EBF1: variants seen among roughly 807,000 people sequenced by gnomAD.
EBF1 encodes transcription factor COE1.
In EBF1, 10 loss-of-function variants were observed where a neutral mutation model predicts 68.4. The ratio of observed to expected loss-of-function variants is 0.15; its 90% confidence interval spans 0.09 to 0.25. The LOEUF (loss-of-function observed/expected upper bound fraction) is 0.25. Among genes scored for constraint, EBF1 ranks in the 10% least tolerant of loss-of-function variants. The probability of loss-of-function intolerance (pLI) is 1.00; values close to 1 mark genes in which losing one functional copy is unlikely to be tolerated. For synonymous variants in EBF1, 298 were observed against 299.8 expected (o/e 0.99, Z 0.06); for missense variants, 509 against 794.4 (o/e 0.64, Z 4.32).
At chr5:159,078,717 T>C (rs2127963089) in intron 5 of EBF1, among the ~76,000 whole-genome samples, 1 of 152,340 alleles carries the variant, frequency 6.6e-6, no homozygotes, top group South Asian at 2.1e-4. Flanking sequence ...TCTCAGGCGT[T>C]GGTAGCCAGC....
At chr5:158,865,041 C>A (rs1338291367) in intron 6 of EBF1, among the ~76,000 whole-genome samples, 1 of 152,146 alleles carries the variant, frequency 6.6e-6, no homozygotes, top group Non-Finnish European at 1.5e-5. Context: ...GTTCAGATAG[C>A]AGCATTACAT....
chr5:158,883,920 T>TC (rs1466121458), intron 6 of EBF1, among the ~76,000 whole-genome samples: 3 of 151,990 alleles, frequency 2.0e-5, no homozygotes, highest in Admixed American at 2.0e-4. Context: ...CTAACAAACC[T>TC]CCCAGCACAG....
At chr5:158,818,850 T>C (rs560478206) in intron 8 of EBF1, among the ~76,000 whole-genome samples, 6 of 152,058 alleles carry the variant, frequency 3.9e-5, no homozygotes, top group Admixed American at 1.3e-4. Flanking sequence ...CTAACATGTT[T>C]ATATTCTAAA....
chr5:158,802,562 A>C (rs1333012196), intron 8 of EBF1, among the ~76,000 whole-genome samples: 1 of 152,180 alleles, frequency 6.6e-6, no homozygotes, highest in Non-Finnish European at 1.5e-5. Flanking sequence ...AGTGGAGGTG[A>C]AAATACTGGC....
chr5:158,752,243 A>C (rs1223609930), intron 10 of EBF1, among the ~76,000 whole-genome samples: 3 of 151,984 alleles, frequency 2.0e-5, no homozygotes, highest in South Asian at 4.2e-4. Context: ...TGAAGTATCA[A>C]ATTTCTTAGA....
At chr5:158,781,289 A>T (rs1381433810) in intron 9 of EBF1, among the ~76,000 whole-genome samples, 1 of 152,114 alleles carries the variant, frequency 6.6e-6, no homozygotes, top group East Asian at 1.9e-4. Flanking sequence ...TTGATTCCTG[A>T]TTATTTTGGT....
At chr5:159,055,904 A>C (rs1410820415) in intron 6 of EBF1, among the ~76,000 whole-genome samples, 1 of 152,230 alleles carries the variant, frequency 6.6e-6, no homozygotes, top group Admixed American at 6.5e-5. Context: ...TAGATGCTTC[A>C]CGAACATTTA....
intron 4 of EBF1, among the ~76,000 whole-genome samples, chr5:159,093,861 C>A (rs1487328039): frequency 2.0e-5 from 3 of 151,962 alleles, no homozygotes; most frequent in Non-Finnish European, 4.4e-5. Flanking sequence ...TTTAATATTT[C>A]ATTGGTCAAT....
chr5:158,834,379 T>G (rs557296193), intron 7 of EBF1, among the ~76,000 whole-genome samples: 3 of 152,204 alleles, frequency 2.0e-5, no homozygotes, highest in African/African-American at 7.2e-5. Context: ...CTTGCTCCCC[T>G]TCTCTTTCCT....
chr5:158,926,067 C>T (rs939158731), intron 6 of EBF1, among the ~76,000 whole-genome samples: 2 of 152,076 alleles, frequency 1.3e-5, no homozygotes, highest in African/African-American at 4.8e-5. Flanking sequence ...ATAGTGCCTG[C>T]TTAATACATT....
intron 6 of EBF1, among the ~76,000 whole-genome samples, chr5:158,975,188 G>GA (rs1756477257): frequency 6.6e-6 from 1 of 151,976 alleles, no homozygotes; most frequent in Non-Finnish European, 1.5e-5. Context: ...CCTGATTCAG[G>GA]AAAAAAGAAA....
At chr5:158,818,735 A>G (rs1784225905) in intron 8 of EBF1, among the ~76,000 whole-genome samples, 1 of 152,202 alleles carries the variant, frequency 6.6e-6, no homozygotes, top group African/African-American at 2.4e-5. Flanking sequence ...TGCCCACAAA[A>G]GCTAAATTTC....
chr5:159,031,160 C>A (rs951254899), intron 6 of EBF1, among the ~76,000 whole-genome samples: 1 of 151,696 alleles, frequency 6.6e-6, no homozygotes, highest in Admixed American at 6.6e-5. Context: ...GGCTACAGAG[C>A]GAGACTTCGT....
rs56710452 is a variant in EBF1 at position 158,796,327 on chromosome 5, T to A, written c.909+18A>T. 3.1e-6 allele frequency: 5 copies of A among 1,602,480 alleles called. No homozygotes were observed. The highest frequency in any genetic ancestry group is 4.3e-6 in the Non-Finnish European group (5 of 1,174,106). On this transcript the variant is annotated intron_variant, in intron 9 of 15. Coordinates refer to ENST00000313708, the MANE Select transcript of EBF1 (RefSeq NM_024007.5). Reference sequence around the variant, plus strand: ...ACTAGATCAAGCTATTAGATATTAATGTTCAGACAACACCTACCTCACTCC... The same window carrying A: ...ACTAGATCAAGCTATTAGATATTAAAGTTCAGACAACACCTACCTCACTCC...
chr5:158,977,883 TACAC>T (rs1242976656), intron 6 of EBF1, among the ~76,000 whole-genome samples: 1 of 151,920 alleles, frequency 6.6e-6, no homozygotes, highest in Non-Finnish European at 1.5e-5. Context: ...GAAAGAGACA[TACAC>T]ACACACAAAG....
At chr5:158,822,259 CGGAT>C (rs1197459241) in intron 8 of EBF1, among the ~76,000 whole-genome samples, 3,636 of 129,746 alleles carry the variant, frequency 0.028, 62 homozygotes, top group Non-Finnish European at 0.042. Flanking sequence ...CTTGGATGGA[CGGAT>C]GGACGGATGG....
chr5:158,717,473 A>G (rs553380552), intron 11 of EBF1, among the ~76,000 whole-genome samples: 41 of 152,298 alleles, frequency 2.7e-4, no homozygotes, highest in African/African-American at 9.6e-4. Context: ...CTGAAAAGAA[A>G]GAGCACTTGA....
chr5:159,002,933 T>C (rs1259446724), intron 6 of EBF1, among the ~76,000 whole-genome samples: 5 of 152,210 alleles, frequency 3.3e-5, no homozygotes, highest in African/African-American at 4.8e-5. Context: ...TTAAAATCGG[T>C]GCACATCAAA....
At chr5:159,045,455 T>A (rs1772183636) in intron 6 of EBF1, among the ~76,000 whole-genome samples, 1 of 152,078 alleles carries the variant, frequency 6.6e-6, no homozygotes, top group Non-Finnish European at 1.5e-5. Context: ...AAAGAATCCT[T>A]GTCGTATTGG....
Sources: allele counts gnomAD v4.1 joint callset (sites outside exome capture counted in the v4.1 genomes callset), GRCh38; gene constraint gnomAD v4.1.1; transcripts MANE v1.5; gene names NCBI Gene and HGNC (gene_info 2026-07-23, HGNC 2026-07-21).